The following LGALS8 variants were observed in gnomAD, a reference collection of about 807,000 sequenced individuals.
LGALS8 encodes galectin 8.
Under a neutral mutation model 35.9 loss-of-function variants are expected in LGALS8, and 30 were observed. The ratio of observed to expected loss-of-function variants is 0.83; its 90% CI spans 0.62 to 1.13. LGALS8 has a LOEUF of 1.13. Among genes scored for constraint, LGALS8 ranks in the 50% most tolerant of loss-of-function variants. The pLI is 0.00. For synonymous variants in LGALS8, 138 were observed against 136.1 expected (o/e 1.01, Z -0.10); for missense variants, 366 against 388.7 (o/e 0.94, Z 0.49).
chr1:236,552,470 C>G lies in LGALS8; in HGVS notation c.*4309C>G, dbSNP rs1279492068. 6.1e-6 allele frequency: 1 copy of G among 163,994 alleles called. No homozygotes were observed. Among genetic ancestry groups the G allele is most frequent in the Non-Finnish European group, 1.3e-5 (1 of 76,236 alleles). The allele number at this position is 163,994 out of a possible 1,614,324, so 10.2% of individuals were successfully genotyped here. On this transcript the variant is annotated 3_prime_UTR_variant, in exon 10 of 10. Transcript: ENST00000366584. ...CATTGGCGCTCGCCAGCCCGCCAGG[C>G]TGGCAATAAAGTGCCTCCAGCCACC... is the stretch of plus-strand genomic sequence containing the variant.
intron 2 of LGALS8, among the ~76,000 whole-genome samples, chr1:236,528,274 C>T (rs1055854670): frequency 6.7e-6 from 1 of 150,366 alleles, no homozygotes; most frequent in African/African-American, 2.4e-5. Context: ...CCCAGCTACT[C>T]GGGAGGCTGA....
chr1:236,552,358 A>C lies in LGALS8; in HGVS notation c.*4197A>C, dbSNP rs916493372. On this transcript the variant is annotated 3_prime_UTR_variant, in exon 10 of 10. Coordinates refer to ENST00000366584, the MANE Select transcript of LGALS8 (RefSeq NM_201544.4). ...CCAGGACTGCAAATCTTTAATGTGA[A>C]ATGTCTTTTTATAATCTCTTCCTTT... The C allele has an allele frequency of 1.8e-5, 5 of 271,236 alleles. No homozygotes were observed. 16.8% of individuals were successfully genotyped at this position (271,236 alleles called of 1,614,324 possible).
In LGALS8 at chr1:236,548,113, G is replaced by A. The variant is rs537982718; in HGVS notation, c.906G>A (p.Thr302=). 4 of 1,613,994 alleles carry A rather than the reference G, an allele frequency of 2.5e-6. No homozygotes were observed. The highest frequency in any genetic ancestry group is 1.1e-5 in the South Asian group (1 of 91,056). Residue 302 remains threonine (T), a synonymous_variant, in exon 10 of 10, where the codon ACG becomes ACA. Transcript: ENST00000366584. ...HRFKELSSID[T]LEINGDIHLL... is the part of the protein sequence containing the mutation. ...TTAAAGAGCTCAGCAGTATTGACAC[G>A]CTGGAAATTAATGGAGACATCCACT... is the stretch of plus-strand genomic sequence containing the variant.
chr1:236,539,502 A>G (rs1279607458), intron 4 of LGALS8, among the ~76,000 whole-genome samples: 1 of 101,394 alleles, frequency 9.9e-6, no homozygotes, highest in Non-Finnish European at 2.4e-5. Context: ...ACAGTTCCGT[A>G]GGATCATGAG....
At chr1:236,521,507 G>T (rs1315779762), upstream of LGALS8, among the ~76,000 whole-genome samples, 2 of 152,068 alleles carry the variant, frequency 1.3e-5, no homozygotes, top group Non-Finnish European at 2.9e-5. Context: ...GTAAGAACTG[G>T]ATCTTTACTC....
chr1:236,539,267 A>T, intron 4 of LGALS8, 178 bp downstream of exon 4: 1 of 592,934 alleles, frequency 1.7e-6, no homozygotes, highest in Non-Finnish European at 3.1e-6. Context: ...GTATGGCACC[A>T]CTACTCTCCA....
chr1:236,537,922 A>ACCCCC (rs71748899), intron 3 of LGALS8, among the ~76,000 whole-genome samples: 37 of 137,374 alleles, frequency 2.7e-4, no homozygotes, highest in African/African-American at 9.7e-4. Flanking sequence ...ACATAGTGAG[A>ACCCCC]CCCCCCATCT....
At position 236,539,021 on chromosome 1, in the gene LGALS8, T is replaced by C. The variant is rs748064178; in HGVS notation, c.277T>C (p.Tyr93His). 7 of 1,614,086 alleles carry C rather than the reference T, an allele frequency of 4.3e-6. No individual in the cohort carries two copies. The highest frequency in any genetic ancestry group is 1.7e-4 in the Middle Eastern group (1 of 6,052). ...NEKWGREEIT[Y>H]DTPFKREKSF... ...AAAATGGGGACGGGAAGAGATCACC[T>C]ATGACACGCCTTTCAAAAGAGAAAA... The change falls in exon 4 of 10, where the codon TAT (tyrosine) becomes CAT (histidine). Residue 93 changes from tyrosine (Y) to histidine (H), a missense_variant. By Grantham distance (83) the Tyr-to-His change is moderately conservative. Coordinates refer to ENST00000366584, the MANE Select transcript of LGALS8 (RefSeq NM_201544.4).
Position 236,551,169 on chromosome 1 carries a change from C to T in LGALS8, c.*3008C>T, listed in dbSNP as rs908946894. The T allele has an allele frequency of 5.4e-6, 3 of 559,146 alleles. No individual in the cohort carries two copies. Among genetic ancestry groups the T allele is most frequent in the Non-Finnish European group, 9.3e-6 (3 of 321,030 alleles). The allele number at this position is 559,146 out of a possible 1,614,324, so 34.6% of individuals were successfully genotyped here. On this transcript the variant is annotated 3_prime_UTR_variant, in exon 10 of 10. Transcript: ENST00000366584. ...ACCGCCTCCCTCCACACCGCTCCTT[C>T]CGCCTTCATTCCTTGCCCACAGGCT... is the stretch of plus-strand genomic sequence containing the variant.
At chr1:236,535,203 G>C (rs753450781) in intron 2 of LGALS8, among the ~76,000 whole-genome samples, 1 of 151,434 alleles carries the variant, frequency 6.6e-6, no homozygotes, top group Non-Finnish European at 1.5e-5. Context: ...CATCTGCAAA[G>C]TATGAAAATA....
intron 2 of LGALS8, among the ~76,000 whole-genome samples, chr1:236,533,448 C>T (rs189959751): frequency 2.3e-3 from 347 of 152,074 alleles, no homozygotes; most frequent in African/African-American, 7.9e-3. Context: ...GATTCTCCTG[C>T]CTCAGCCTCC....
upstream of LGALS8, among the ~76,000 whole-genome samples, chr1:236,521,293 G>C (rs913393013): frequency 6.6e-6 from 1 of 152,194 alleles, no homozygotes; most frequent in African/African-American, 2.4e-5. Flanking sequence ...TTGGTGGTCA[G>C]GAAGGGCCCC....
intron 2 of LGALS8, among the ~76,000 whole-genome samples, chr1:236,533,586 C>T (rs990617333): frequency 6.6e-5 from 10 of 151,686 alleles, no homozygotes; most frequent in African/African-American, 1.9e-4. Flanking sequence ...TGCCCACCTT[C>T]GCCTCCCAAA....
chr1:236,522,404 GA>G (rs1266343834), upstream of LGALS8, among the ~76,000 whole-genome samples: 1 of 152,022 alleles, frequency 6.6e-6, no homozygotes, highest in Non-Finnish European at 1.5e-5. Flanking sequence ...AGGAGTTTGA[GA>G]CCAGCCTGGG....
In LGALS8 at chr1:236,541,654, G is replaced by GACTT. The variant is rs1161775522; in HGVS notation, c.469_472dup (p.Gln158LeufsTer8). On this transcript the variant is annotated frameshift_variant and splice_region_variant, in exon 6 of 10. Transcript: ENST00000366584. LOFTEE classifies it high-confidence loss of function. ...ATTAATCTTTATTATCTTTTCTCAG[G>GACTT]ACTTACAAAGTACCCAAGCATCTAG... is the stretch of plus-strand genomic sequence containing the variant. 6.8e-7 allele frequency: 1 copy of GACTT among 1,472,144 alleles called. No individual in the cohort carries two copies. 91.2% of individuals were successfully genotyped at this position (1,472,144 alleles called of 1,614,324 possible).
rs1258674951 is a variant in LGALS8 at position 236,548,414 on chromosome 1, C to G, written c.*253C>G. 2.1e-6 allele frequency: 1 copy of G among 471,956 alleles called. No homozygotes were observed. Among genetic ancestry groups the G allele is most frequent in the East Asian group, 3.7e-5 (1 of 27,164 alleles). 29.2% of individuals were successfully genotyped at this position (471,956 alleles called of 1,614,324 possible). A position where few individuals can be genotyped will look rare whatever the true frequency, so the allele number is the denominator to read the frequency against. On this transcript the variant is annotated 3_prime_UTR_variant, in exon 10 of 10. Transcript: ENST00000366584. Reference sequence around the variant, plus strand: ...GCCCTCTCTCCTACTTTGGCTGACTCTTCAAGAATGCCATTCAACAAGTAT... The same window carrying G: ...GCCCTCTCTCCTACTTTGGCTGACTGTTCAAGAATGCCATTCAACAAGTAT...
chr1:236,525,121 A>AT (rs1392421271), intron 1 of LGALS8, among the ~76,000 whole-genome samples: 2 of 152,094 alleles, frequency 1.3e-5, no homozygotes, highest in Admixed American at 6.5e-5. Context: ...TGTGATTATT[A>AT]TTTTTTTAAG....
rs1017897998 is a variant in LGALS8 at position 236,550,587 on chromosome 1, G to A, written c.*2426G>A. On this transcript the variant is annotated 3_prime_UTR_variant, in exon 10 of 10. Transcript: ENST00000366584. ...CAGTGCAAATGAGGCGTCAGCTTTG[G>A]GTGCTAAAATTAACAAGTCTAATAT... 3.8e-6 allele frequency: 1 copy of A among 262,074 alleles called. No homozygotes were observed. The highest frequency in any genetic ancestry group is 4.9e-5 in the Admixed American group (1 of 20,520). The allele number at this position is 262,074 out of a possible 1,614,324, so 16.2% of individuals were successfully genotyped here.
In LGALS8 at chr1:236,544,843, T is replaced by C. The variant is rs757764604; in HGVS notation, c.732T>C (p.Phe244=). The change falls in exon 9 of 10, where the codon TTT becomes TTC. Residue 244 remains phenylalanine, a synonymous_variant. Coordinates refer to ENST00000366584, the MANE Select transcript of LGALS8 (RefSeq NM_201544.4). The part of the protein sequence containing the change: ...LNIKAFVRNS[F]LQESWGEEER... ...TTAAAGCATTTGTAAGAAATTCTTT[T>C]CTTCAGGAGTCCTGGGGAGAAGAAG... is the stretch of plus-strand genomic sequence containing the variant. The C allele has an allele frequency of 6.2e-7, 1 of 1,613,902 alleles. No homozygotes were observed. Among genetic ancestry groups the C allele is most frequent in the South Asian group, 1.1e-5 (1 of 91,084 alleles).
Sources: gnomAD v4.1 joint callset for allele counts (sites outside exome capture counted in the v4.1 genomes callset) on GRCh38, gnomAD v4.1.1 for gene constraint, MANE v1.5 for transcripts, NCBI Gene and HGNC (gene_info 2026-07-23, HGNC 2026-07-21) for gene names.